Variants in SNX8 observed in about 807,000 individuals in gnomAD.
The protein encoded by SNX8 is sorting nexin-8.
In SNX8, 25 loss-of-function variants were observed where a neutral mutation model predicts 51.6. The observed-to-expected ratio is 0.48, with a 90% CI of 0.35 to 0.68. The LOEUF (loss-of-function observed/expected upper bound fraction) is 0.68, where lower values mean the gene tolerates loss of function less well. Among genes scored for constraint, SNX8 ranks in the 30% least tolerant of loss-of-function variants. The pLI, the probability that SNX8 is intolerant of heterozygous loss-of-function variation, is 0.00. For synonymous variants in SNX8, 324 were observed against 277.0 expected, an observed-to-expected ratio of 1.17 and a Z score of -1.68; for missense variants, 695 against 624.0, an observed-to-expected ratio of 1.11 and a Z score of -1.21.
chr7:2,306,480 C>T (rs10249052), intron 1 of SNX8, among the ~76,000 whole-genome samples: 55,449 of 151,936 alleles, frequency 0.36, 10,466 homozygotes, highest in East Asian at 0.59. Context: ...AAGAATATCT[C>T]TAACTGAAAT....
intron 1 of SNX8, among the ~76,000 whole-genome samples, chr7:2,337,833 C>A (rs960355844): frequency 3.1e-5 from 3 of 95,642 alleles, no homozygotes; most frequent in African/African-American, 9.9e-5. Flanking sequence ...CTTCCTCAAG[C>A]AAATAAAAGG....
At chr7:2,301,790 G>A (rs535950013) in intron 1 of SNX8, among the ~76,000 whole-genome samples, 2 of 152,258 alleles carry the variant, frequency 1.3e-5, no homozygotes, top group Admixed American at 6.5e-5. Flanking sequence ...TCCAGGCCCT[G>A]CCTCCAGCGT....
At position 2,284,699 on chromosome 7, in the gene SNX8, T is replaced by C. The variant is rs1369799118; in HGVS notation, c.95-6394A>G. On this transcript the variant is annotated intron_variant, in intron 1 of 10. Coordinates refer to ENST00000222990, the MANE Select transcript of SNX8 (RefSeq NM_013321.4). ...GATTACAGGCGTGAGCCACTGTGCC[T>C]GGCCTATTGCTTTTATTTCTTCATC... Among the ~76,000 whole-genome samples the C allele has an allele frequency of 4.6e-5, 7 of 151,874 alleles. No individual in the cohort carries two copies. In the South Asian group the frequency reaches 8.4e-4, roughly 18 times the overall value.
At chr7:2,323,940 T>C (rs1391765836) in intron 1 of SNX8, among the ~76,000 whole-genome samples, 2 of 151,762 alleles carry the variant, frequency 1.3e-5, no homozygotes, top group South Asian at 2.1e-4. Context: ...GCCAACATGG[T>C]AAAACCCCGT....
intron 1 of SNX8, among the ~76,000 whole-genome samples, chr7:2,311,185 G>A (rs538568867): frequency 2.0e-5 from 3 of 152,260 alleles, no homozygotes; most frequent in African/African-American, 4.8e-5. Flanking sequence ...CACCGAAGAT[G>A]CAGGAGATTT....
intron 1 of SNX8, among the ~76,000 whole-genome samples, chr7:2,302,318 C>T (rs1327222108): frequency 6.6e-6 from 1 of 152,204 alleles, no homozygotes; most frequent in East Asian, 1.9e-4. Flanking sequence ...TTGGCCAGGC[C>T]GGTCTCAGCT....
At chr7:2,265,298 C>T (rs1795438310) in intron 5 of SNX8, among the ~76,000 whole-genome samples, 1 of 152,154 alleles carries the variant, frequency 6.6e-6, no homozygotes, top group East Asian at 1.9e-4. Flanking sequence ...TGCGATCACA[C>T]CACTGCACCC....
intron 1 of SNX8, 40 bp downstream of exon 1, chr7:2,314,288 G>A (rs1796717042): frequency 8.2e-7 from 1 of 1,217,658 alleles, no homozygotes; most frequent in East Asian, 3.3e-5. Context: ...CGGGCCGCGC[G>A]CCCTGGGCAG....
intron 1 of SNX8, chr7:2,354,104 C>T (rs2075041139): frequency 6.6e-6 from 1 of 152,432 alleles, no homozygotes; most frequent in Non-Finnish European, 1.5e-5. Flanking sequence ...CGCTGTCCCG[C>T]GCTGAAGGCG....
intron 6 of SNX8, among the ~76,000 whole-genome samples, chr7:2,263,882 T>G (rs1390922910): frequency 4.0e-5 from 6 of 151,846 alleles, no homozygotes; most frequent in African/African-American, 1.5e-4. Flanking sequence ...CCAGAGAACT[T>G]TTTTTTGTAT....
At chr7:2,335,917 CA>C (rs1242497572) in intron 1 of SNX8, among the ~76,000 whole-genome samples, 1 of 150,602 alleles carries the variant, frequency 6.6e-6, no homozygotes, top group Non-Finnish European at 1.5e-5. Context: ...GCCTGGCCAA[CA>C]TGGTGAAACC....
intron 1 of SNX8, among the ~76,000 whole-genome samples, chr7:2,287,733 A>C (rs550671157): frequency 6.6e-6 from 1 of 152,246 alleles, no homozygotes; most frequent in African/African-American, 2.4e-5. Context: ...AGCCTGGGCG[A>C]CAGAGTGAGA....
At chr7:2,351,201 T>C (rs1379269206) in intron 1 of SNX8, among the ~76,000 whole-genome samples, 1 of 152,166 alleles carries the variant, frequency 6.6e-6, no homozygotes, top group African/African-American at 2.4e-5. Context: ...TCCGGCCATC[T>C]CTGCTGCCAG....
At chr7:2,332,557 A>C (rs1378888711) in intron 1 of SNX8, among the ~76,000 whole-genome samples, 6 of 152,058 alleles carry the variant, frequency 3.9e-5, no homozygotes, top group Non-Finnish European at 8.8e-5. Flanking sequence ...GTTTGAGACA[A>C]GCCTGGACAA....
chr7:2,339,399 TG>T (rs1356739346), intron 1 of SNX8, among the ~76,000 whole-genome samples: 1 of 151,262 alleles, frequency 6.6e-6, no homozygotes, highest in African/African-American at 2.4e-5. Context: ...TTAGTAGAGA[TG>T]GGGTTTCACC....
chr7:2,275,252 T>A, intron 2 of SNX8, 23 bp from the exon 3 acceptor site: 1 of 1,521,252 alleles, frequency 6.6e-7, no homozygotes, highest in Non-Finnish European at 9.1e-7. Context: ...GGTCGGTGCT[T>A]AGATCCGACG....
chr7:2,302,984 G>C (rs1454807122), intron 1 of SNX8, among the ~76,000 whole-genome samples: 1 of 151,528 alleles, frequency 6.6e-6, no homozygotes, highest in Non-Finnish European at 1.5e-5. Context: ...GTCTCCGCCC[G>C]GCAGCCACCC....
intron 7 of SNX8, 78 bp from the exon 8 acceptor site, chr7:2,257,881 G>T: frequency 7.3e-7 from 1 of 1,377,574 alleles, no homozygotes; most frequent in Non-Finnish European, 1.0e-6. Flanking sequence ...ACCCAAGCCT[G>T]GCCTGGGCCG....
chr7:2,325,856 T>TA (rs967877157), intron 1 of SNX8, among the ~76,000 whole-genome samples: 1 of 151,412 alleles, frequency 6.6e-6, no homozygotes, highest in African/African-American at 2.4e-5. Context: ...TAAATAAAAA[T>TA]AAAAAAATAA....
Sources: gnomAD v4.1 joint callset for allele counts (sites outside exome capture counted in the v4.1 genomes callset) on GRCh38, gnomAD v4.1.1 for gene constraint, MANE v1.5 for transcripts, NCBI Gene and HGNC (gene_info 2026-07-23, HGNC 2026-07-21) for gene names.